FAM114A1: variants seen among roughly 807,000 people sequenced by gnomAD.
FAM114A1 encodes the protein protein NOXP20.
Under a neutral mutation model 64.3 loss-of-function variants are expected in FAM114A1, and 62 were observed. The ratio of observed to expected loss-of-function variants is 0.96; its 90% CI spans 0.79 to 1.19. The LOEUF (loss-of-function observed/expected upper bound fraction) is 1.19, where lower values mean the gene tolerates loss of function less well. FAM114A1 is among the 50% of genes most tolerant of loss of function. The pLI, the probability that FAM114A1 is intolerant of heterozygous loss-of-function variation, is 0.00. For missense variants in FAM114A1, 645 were observed against 676.3 expected (o/e 0.95, Z 0.51); for synonymous variants, 254 against 251.1 (o/e 1.01, Z -0.11).
rs1168149880 is a variant in FAM114A1, at chr4:38,944,111, C to T, written c.*554C>T. The T allele has an allele frequency of 1.4e-5, 2 of 140,212 alleles. No homozygotes were observed. Among genetic ancestry groups the T allele is most frequent in the Non-Finnish European group, 3.0e-5 (2 of 67,380 alleles). 8.7% of individuals were successfully genotyped at this position (140,212 alleles called of 1,614,324 possible). ...TTGAGACAGAGTCTCACTCTGTCGC[C>T]AGGCTGGAGTGCGTTGGCACAATCT... is the stretch of plus-strand genomic sequence containing the variant. On this transcript the variant is annotated 3_prime_UTR_variant, in exon 15 of 15. Transcript: ENST00000358869.
intron 4 of FAM114A1, among the ~76,000 whole-genome samples, chr4:38,904,870 A>G (rs966235470): frequency 6.6e-6 from 1 of 152,242 alleles, no homozygotes; most frequent in Non-Finnish European, 1.5e-5. Flanking sequence ...TTGAGCTTAG[A>G]ATTCCAGGTT....
At position 38,915,216 on chromosome 4, in the gene FAM114A1, G is replaced by A. The variant is rs557834855; in HGVS notation, c.945+143G>A. ...CTGAGGTCAGAAATACTGTACAATG[G>A]GATGACCCTCGAGCTCCATATCATC... On this transcript the variant is annotated intron_variant, in intron 8 of 14. Coordinates refer to ENST00000358869, the MANE Select transcript of FAM114A1 (RefSeq NM_138389.4). 17 of 1,064,678 alleles carry A rather than the reference G, an allele frequency of 1.6e-5. No homozygotes were observed. In the African/African-American group the frequency reaches 2.7e-4, roughly 17 times the overall value. 66.0% of individuals were successfully genotyped at this position (1,064,678 alleles called of 1,614,324 possible).
chr4:38,875,725 G>A (rs747324114), intron 2 of FAM114A1, among the ~76,000 whole-genome samples: 5 of 152,050 alleles, frequency 3.3e-5, no homozygotes, highest in East Asian at 1.9e-4. Context: ...GGGTATCCTC[G>A]TCTTGTTCTG....
chr4:38,874,099 G>A (rs1179183987), intron 2 of FAM114A1, among the ~76,000 whole-genome samples: 1 of 152,200 alleles, frequency 6.6e-6, no homozygotes, highest in Non-Finnish European at 1.5e-5. Context: ...GAGGCAGATG[G>A]CATTGCTGAT....
At position 38,933,922 on chromosome 4, in the gene FAM114A1, G is replaced by A. The variant is rs190231884; in HGVS notation, c.1463+1548G>A. 1.2e-3 allele frequency among the ~76,000 whole-genome samples: 180 copies of A among 152,310 alleles called. 2 individuals carry two copies. Among genetic ancestry groups the A allele is most frequent in the African/African-American group, 4.1e-3 (171 of 41,564 alleles). On this transcript the variant is annotated intron_variant, in intron 12 of 14. Transcript: ENST00000358869. Reference sequence around the variant, plus strand: ...AGTGGAAAGATCTTCCAAAAAGTCAGCATTAGTGTCTTTGTACTGGCGGCA... The same window carrying A: ...AGTGGAAAGATCTTCCAAAAAGTCAACATTAGTGTCTTTGTACTGGCGGCA...
intron 9 of FAM114A1, among the ~76,000 whole-genome samples, chr4:38,923,224 C>CTTTT (rs55688191): frequency 0.097 from 12,700 of 131,580 alleles, 972 homozygotes; most frequent in Non-Finnish European, 0.16. Flanking sequence ...TATGCTGCCA[C>CTTTT]TTTTTTTTTT....
At chr4:38,880,014 C>T (rs994213103) in intron 3 of FAM114A1, among the ~76,000 whole-genome samples, 3 of 150,936 alleles carry the variant, frequency 2.0e-5, no homozygotes, top group South Asian at 4.2e-4. Context: ...TGCAGTGAGC[C>T]GAGATTGCAC....
intron 8 of FAM114A1, among the ~76,000 whole-genome samples, chr4:38,922,332 G>T (rs1579382409): frequency 6.6e-6 from 1 of 152,196 alleles, no homozygotes; most frequent in Non-Finnish European, 1.5e-5. Context: ...ATAAGGAGGT[G>T]CAATTAGTTT....
intron 2 of FAM114A1, among the ~76,000 whole-genome samples, chr4:38,874,631 T>C (rs529809020): frequency 6.6e-6 from 1 of 152,344 alleles, no homozygotes; most frequent in South Asian, 2.1e-4. Flanking sequence ...TTTATTCTGT[T>C]GGTAGTTTCT....
At chr4:38,923,582 G>C (rs1413665829) in intron 9 of FAM114A1, among the ~76,000 whole-genome samples, 1 of 152,108 alleles carries the variant, frequency 6.6e-6, no homozygotes, top group East Asian at 1.9e-4. Flanking sequence ...TAATGTTGAT[G>C]GTGGGCAAAT....
chr4:38,929,079 T>G (rs548642257), intron 9 of FAM114A1, 163 bp from the exon 10 acceptor site: 6 of 611,240 alleles, frequency 9.8e-6, no homozygotes, highest in Non-Finnish European at 1.5e-5. Flanking sequence ...CTCACTGCCA[T>G]GCTCACGAAT....
At chr4:38,935,074 C>T (rs1720967898) in intron 12 of FAM114A1, among the ~76,000 whole-genome samples, 1 of 152,066 alleles carries the variant, frequency 6.6e-6, no homozygotes, top group Non-Finnish European at 1.5e-5. Context: ...GCCACCACGC[C>T]CAGCTAATTT....
chr4:38,878,955 C>T (rs890965545), intron 3 of FAM114A1, among the ~76,000 whole-genome samples: 1 of 152,148 alleles, frequency 6.6e-6, no homozygotes, highest in Non-Finnish European at 1.5e-5. Flanking sequence ...CTTCAGATCA[C>T]TGTTTTATCA....
intron 6 of FAM114A1, among the ~76,000 whole-genome samples, chr4:38,906,089 T>C (rs1380359610): frequency 6.6e-6 from 1 of 152,198 alleles, no homozygotes; most frequent in East Asian, 1.9e-4. Context: ...GGGAGCTGTT[T>C]GGAAGGAACA....
intron 2 of FAM114A1, among the ~76,000 whole-genome samples, chr4:38,874,316 A>G (rs1002102894): frequency 2.6e-5 from 4 of 152,186 alleles, no homozygotes; most frequent in African/African-American, 9.7e-5. Flanking sequence ...TATATTCTTG[A>G]GAGGGTGAAA....
chr4:38,906,995 G>T (rs17583068), intron 6 of FAM114A1, among the ~76,000 whole-genome samples: 1 of 152,046 alleles, frequency 6.6e-6, no homozygotes, highest in Non-Finnish European at 1.5e-5. Context: ...GCAAACAAGA[G>T]GGCACAATAT....
At chr4:38,893,737 C>G (rs888831812) in intron 4 of FAM114A1, among the ~76,000 whole-genome samples, 1 of 152,226 alleles carries the variant, frequency 6.6e-6, no homozygotes, top group Admixed American at 6.5e-5. Context: ...CCAGCACCTT[C>G]TTAGGTGTCT....
At chr4:38,883,265 C>T (rs538190968) in intron 3 of FAM114A1, among the ~76,000 whole-genome samples, 14 of 152,250 alleles carry the variant, frequency 9.2e-5, no homozygotes, top group African/African-American at 3.4e-4. Context: ...ATAGGACAGG[C>T]ACAAGGGAGG....
chr4:38,900,030 T>C (rs1717355285), intron 4 of FAM114A1, among the ~76,000 whole-genome samples: 1 of 152,166 alleles, frequency 6.6e-6, no homozygotes, highest in Non-Finnish European at 1.5e-5. Context: ...TTATCTATGT[T>C]TCTATACTCT....
Sources: gnomAD v4.1 joint callset for allele counts (sites outside exome capture counted in the v4.1 genomes callset) on GRCh38, gnomAD v4.1.1 for gene constraint, MANE v1.5 for transcripts, NCBI Gene and HGNC (gene_info 2026-07-23, HGNC 2026-07-21) for gene names.